Variants in ARHGEF38 observed in about 807,000 individuals in gnomAD.
The protein encoded by ARHGEF38 is Rho guanine nucleotide exchange factor 38.
In ARHGEF38, 79 loss-of-function variants were observed where a neutral mutation model predicts 79.9. The ratio of observed to expected loss-of-function variants is 0.99; its 90% CI spans 0.82 to 1.19. ARHGEF38 has a LOEUF of 1.19. Ranked by LOEUF, ARHGEF38 falls within the 50% of genes most tolerant of loss-of-function variation. The pLI, the probability that ARHGEF38 is intolerant of heterozygous loss-of-function variation, is 0.00. For missense variants in ARHGEF38, 962 were observed against 907.2 expected (o/e 1.06, Z -0.78); for synonymous variants, 366 against 328.3 (o/e 1.11, Z -1.24).
chr4:105,601,878 C>T (rs980438220), intron 2 of ARHGEF38, among the ~76,000 whole-genome samples: 4 of 152,288 alleles, frequency 2.6e-5, no homozygotes, highest in African/African-American at 4.8e-5. Context: ...ATCCCTATAA[C>T]ATTTAACCCT....
intron 3 of ARHGEF38, among the ~76,000 whole-genome samples, chr4:105,623,832 C>T (rs1018993396): frequency 2.0e-5 from 3 of 152,136 alleles, no homozygotes; most frequent in African/African-American, 7.2e-5. Flanking sequence ...TTTTCCTCTC[C>T]AAACATTGAC....
At chr4:105,571,223 A>G (rs997121988) in intron 1 of ARHGEF38, among the ~76,000 whole-genome samples, 1 of 152,204 alleles carries the variant, frequency 6.6e-6, no homozygotes, top group East Asian at 1.9e-4. Context: ...AAAAAAGAAT[A>G]TATCCATCTA....
At chr4:105,593,292 T>G (rs1344801404) in intron 2 of ARHGEF38, among the ~76,000 whole-genome samples, 1 of 151,876 alleles carries the variant, frequency 6.6e-6, no homozygotes, top group Non-Finnish European at 1.5e-5. Flanking sequence ...ATCCCAGCAC[T>G]TTGGAAAGAT....
intron 1 of ARHGEF38, among the ~76,000 whole-genome samples, chr4:105,553,674 C>T (rs1021342981): frequency 4.6e-5 from 7 of 152,188 alleles, no homozygotes; most frequent in Admixed American, 6.6e-5. Context: ...AATCTATATC[C>T]TGTCCTATCT....
chr4:105,645,859 A>G (rs901813532), intron 6 of ARHGEF38, among the ~76,000 whole-genome samples: 3 of 152,226 alleles, frequency 2.0e-5, no homozygotes, highest in African/African-American at 7.2e-5. Context: ...TGTGGCAATA[A>G]TTTCTCTACT....
At chr4:105,681,893 TTTC>T (rs1397706034), downstream of ARHGEF38, among the ~76,000 whole-genome samples, 3 of 152,196 alleles carry the variant, frequency 2.0e-5, no homozygotes, top group Admixed American at 2.0e-4. Flanking sequence ...AAGATAGCCT[TTTC>T]TTTCATGGTA....
Position 105,667,450 on chromosome 4 carries a change from A to G in ARHGEF38, c.1895A>G (p.Lys632Arg), listed in dbSNP as rs1394023417. The change falls in exon 13 of 14, where the codon AAA (lysine) becomes AGA (arginine). Residue 632 changes from lysine to arginine, a missense_variant. Transcript: ENST00000420470. ...SRWLVDTGNV[K>R]GYVYSSFLKP... is the part of the protein sequence containing the mutation. Reference sequence around the variant, plus strand: ...CTTTTTATTTCCTATCCAGATGTGAAAGGATATGTTTATTCCTCCTTCCTA... The same window carrying G: ...CTTTTTATTTCCTATCCAGATGTGAGAGGATATGTTTATTCCTCCTTCCTA... 2.0e-6 allele frequency: 3 copies of G among 1,536,122 alleles called. No homozygotes were observed. The highest frequency in any genetic ancestry group is 8.7e-7 in the Non-Finnish European group (1 of 1,146,890).
Position 105,678,110 on chromosome 4 carries a change from A to ATCCT in ARHGEF38, c.*174_*175insCCTT. On this transcript the variant is annotated 3_prime_UTR_variant, in exon 14 of 14. Transcript: ENST00000420470. ...CCTAACAGGATTATTGCATGAATGT[A>ATCCT]TTATAAAGGATACATGTTGAAAGAA... is the stretch of plus-strand genomic sequence containing the variant. 2.1e-6 allele frequency: 1 copy of ATCCT among 472,092 alleles called. No individual in the cohort carries two copies. Among genetic ancestry groups the ATCCT allele is most frequent in the Non-Finnish European group, 3.6e-6 (1 of 277,980 alleles). 29.2% of individuals were successfully genotyped at this position (472,092 alleles called of 1,614,324 possible).
chr4:105,666,374 A>G (rs745682278), intron 11 of ARHGEF38, 54 bp downstream of exon 11: 29 of 1,440,586 alleles, frequency 2.0e-5, no homozygotes, highest in Middle Eastern at 1.8e-4. Context: ...TGCCTTATCC[A>G]AGTTGTAGTA....
In ARHGEF38 at chr4:105,599,551, T is replaced by A. The variant is rs1006378638; in HGVS notation, c.384+10116T>A. Among the ~76,000 whole-genome samples, 4 of 152,196 alleles carry A rather than the reference T, an allele frequency of 2.6e-5. No homozygotes were observed. The South Asian group carries it at 8.3e-4, about 32-fold the overall frequency. Reference sequence around the variant, plus strand: ...AACCACAATTTTAATTTGCTTTTTTTTGTGCATGTGTAGAATAAGCGACAA... The same window carrying A: ...AACCACAATTTTAATTTGCTTTTTTATGTGCATGTGTAGAATAAGCGACAA... On this transcript the variant is annotated intron_variant, in intron 2 of 13. Coordinates refer to ENST00000420470, the MANE Select transcript of ARHGEF38 (RefSeq NM_001242729.2).
intron 1 of ARHGEF38, among the ~76,000 whole-genome samples, chr4:105,578,578 T>A (rs1270194031): frequency 6.6e-6 from 1 of 152,176 alleles, no homozygotes; most frequent in Non-Finnish European, 1.5e-5. Flanking sequence ...AATTGTTTTA[T>A]GAAGATGGGA....
At chr4:105,592,132 G>C (rs905393964) in intron 2 of ARHGEF38, among the ~76,000 whole-genome samples, 7 of 152,068 alleles carry the variant, frequency 4.6e-5, no homozygotes, top group African/African-American at 1.7e-4. Context: ...CTAGCCCACT[G>C]TGTCTATGTA....
intron 4 of ARHGEF38, 59 bp downstream of exon 4, chr4:105,631,104 T>C: frequency 6.5e-7 from 1 of 1,546,238 alleles, no homozygotes. Flanking sequence ...AGGGAACATT[T>C]TAAATGGATG....
At chr4:105,627,459 G>C (rs1728994014) in intron 3 of ARHGEF38, among the ~76,000 whole-genome samples, 1 of 152,122 alleles carries the variant, frequency 6.6e-6, no homozygotes, top group African/African-American at 2.4e-5. Context: ...TGAAACATAG[G>C]AGTCATGGTA....
chr4:105,563,646 G>C (rs1725745302), intron 1 of ARHGEF38, among the ~76,000 whole-genome samples: 1 of 132,514 alleles, frequency 7.5e-6, no homozygotes, highest in South Asian at 2.8e-4. Flanking sequence ...CAACCATCAT[G>C]CAGTTTTCCT....
intron 5 of ARHGEF38, among the ~76,000 whole-genome samples, chr4:105,638,027 A>G (rs9999670): frequency 0.027 from 4,134 of 152,176 alleles, 169 homozygotes; most frequent in African/African-American, 0.092. Context: ...CCTTTCATTC[A>G]GGTCATGAAG....
chr4:105,591,038 C>T (rs1260477962), intron 2 of ARHGEF38, among the ~76,000 whole-genome samples: 3 of 152,072 alleles, frequency 2.0e-5, no homozygotes, highest in African/African-American at 2.4e-5. Context: ...TGGTTTCTAA[C>T]CTTGTTTAAG....
chr4:105,679,747 T>C lies in ARHGEF38; in HGVS notation c.*1810T>C. On this transcript the variant is annotated 3_prime_UTR_variant, in exon 14 of 14. Transcript: ENST00000420470. Reference sequence around the variant, plus strand: ...TTGTTCCACATGTCTTAGTTGACCTTTCTCTTGGTTGATAAAAACATATAC... The same window carrying C: ...TTGTTCCACATGTCTTAGTTGACCTCTCTCTTGGTTGATAAAAACATATAC... 1.1e-6 allele frequency: 1 copy of C among 872,802 alleles called. No homozygotes were observed. Among genetic ancestry groups the C allele is most frequent in the South Asian group, 1.3e-5 (1 of 74,864 alleles). 54.1% of individuals were successfully genotyped at this position (872,802 alleles called of 1,614,324 possible).
Position 105,679,603 on chromosome 4 carries a change from A to C in ARHGEF38, c.*1666A>C, listed in dbSNP as rs1731241325. 1 of 882,564 alleles carries C rather than the reference A, an allele frequency of 1.1e-6. No homozygotes were observed. Among genetic ancestry groups the C allele is most frequent in the African/African-American group, 1.6e-5 (1 of 60,696 alleles). 54.7% of individuals were successfully genotyped at this position (882,564 alleles called of 1,614,324 possible). ...ATCAGTATCTGAGCTGATGGTTGGAAAAAAATCAACAGCAGCATAAGAAAT... is the reference window on the plus strand; with the variant it reads ...ATCAGTATCTGAGCTGATGGTTGGACAAAAATCAACAGCAGCATAAGAAAT... On this transcript the variant is annotated 3_prime_UTR_variant, in exon 14 of 14. Transcript: ENST00000420470.
Sources: gnomAD v4.1 joint callset for allele counts (sites outside exome capture counted in the v4.1 genomes callset) on GRCh38, gnomAD v4.1.1 for gene constraint, MANE v1.5 for transcripts, NCBI Gene and HGNC (gene_info 2026-07-23, HGNC 2026-07-21) for gene names.